Variants in GALNT14 observed in about 807,000 individuals in gnomAD.
GALNT14 encodes UDP-GalNAc:polypeptide N-acetylgalactosaminyltransferase 14.
Under a neutral mutation model 77.5 loss-of-function variants are expected in GALNT14, and 60 were observed. The observed-to-expected ratio is 0.77, with a 90% confidence interval of 0.63 to 0.96. GALNT14 has a LOEUF of 0.96. GALNT14 is among the 40% of genes least tolerant of loss of function. The pLI is 0.00. For missense variants in GALNT14, 710 were observed against 731.0 expected (o/e 0.97, Z 0.33); for synonymous variants, 280 against 281.7 (o/e 0.99, Z 0.06).
intron 1 of GALNT14, among the ~76,000 whole-genome samples, chr2:31,076,938 G>C (rs1213841624): frequency 6.6e-6 from 1 of 152,124 alleles, no homozygotes; most frequent in Admixed American, 6.5e-5. Flanking sequence ...CCTTGTACAA[G>C]TGCTGAATTT....
intron 1 of GALNT14, among the ~76,000 whole-genome samples, chr2:31,037,318 T>A (rs1672799523): frequency 6.6e-6 from 1 of 152,238 alleles, no homozygotes; most frequent in Non-Finnish European, 1.5e-5. Flanking sequence ...CTCCAGAATG[T>A]CTATTTAGTT....
chr2:30,905,103 G>T, the GALNT14 span, among the ~76,000 whole-genome samples: 49 of 152,292 alleles, frequency 3.2e-4, no homozygotes, highest in African/African-American at 1.1e-3. Context: ...AAACCACAAA[G>T]ATGGGGAAAA....
At chr2:31,010,367 A>AG (rs1022664523) in intron 1 of GALNT14, among the ~76,000 whole-genome samples, 1 of 152,196 alleles carries the variant, frequency 6.6e-6, no homozygotes, top group African/African-American at 2.4e-5. Flanking sequence ...TGGGAGGCCA[A>AG]GGCGGGCAGA....
At chr2:30,999,846 G>A (rs1248817521) in intron 1 of GALNT14, among the ~76,000 whole-genome samples, 1 of 152,252 alleles carries the variant, frequency 6.6e-6, no homozygotes, top group Non-Finnish European at 1.5e-5. Flanking sequence ...GCCTGGCACA[G>A]TCAGTGCAGG....
intron 1 of GALNT14, chr2:31,132,756 A>T: frequency 2.1e-6 from 1 of 470,942 alleles, no homozygotes; most frequent in Non-Finnish European, 4.4e-6. Flanking sequence ...AGAAACCCCC[A>T]TCTTGCCTGG....
chr2:30,919,126 GA>G (rs1664880760), intron 13 of GALNT14, among the ~76,000 whole-genome samples: 1 of 152,166 alleles, frequency 6.6e-6, no homozygotes. Context: ...ATGGAAACTA[GA>G]TTGGTGCACC....
intron 13 of GALNT14, among the ~76,000 whole-genome samples, chr2:30,916,141 G>T (rs1002391726): frequency 6.6e-6 from 1 of 152,214 alleles, no homozygotes; most frequent in Non-Finnish European, 1.5e-5. Flanking sequence ...GGCTCCAGGA[G>T]AAGGTCTTCA....
intron 1 of GALNT14, among the ~76,000 whole-genome samples, chr2:31,121,500 C>G (rs1251478689): frequency 1.3e-5 from 2 of 152,182 alleles, no homozygotes; most frequent in African/African-American, 2.4e-5. Context: ...GTATAATATT[C>G]CCAACTGGGG....
At chr2:30,989,427 T>G (rs1435785324) in intron 2 of GALNT14, among the ~76,000 whole-genome samples, 1 of 151,602 alleles carries the variant, frequency 6.6e-6, no homozygotes, top group African/African-American at 2.4e-5. Flanking sequence ...ATCTCTTGCC[T>G]GATCATCTTG....
chr2:31,130,435 T>C (rs1043670877), intron 1 of GALNT14, among the ~76,000 whole-genome samples: 2 of 152,154 alleles, frequency 1.3e-5, no homozygotes, highest in Non-Finnish European at 2.9e-5. Context: ...TGGGGCTGTA[T>C]AGCCAGGCTG....
intron 13 of GALNT14, among the ~76,000 whole-genome samples, chr2:30,913,013 A>C (rs1462203128): frequency 1.3e-5 from 2 of 152,090 alleles, no homozygotes; most frequent in East Asian, 3.9e-4. Context: ...GAAGCTGAGA[A>C]ATTGGATTGA....
chr2:31,115,012 C>T (rs1678037193), intron 1 of GALNT14, among the ~76,000 whole-genome samples: 1 of 151,990 alleles, frequency 6.6e-6, no homozygotes, highest in Admixed American at 6.6e-5. Context: ...TTTAGGAGGC[C>T]GAGGCAGGAG....
intron 13 of GALNT14, among the ~76,000 whole-genome samples, chr2:30,915,064 T>A (rs1159128664): frequency 6.6e-6 from 1 of 152,268 alleles, no homozygotes. Context: ...CCTGCCATTA[T>A]CTTACAATCA....
intron 1 of GALNT14, among the ~76,000 whole-genome samples, chr2:31,019,664 A>T (rs1438987296): frequency 6.6e-6 from 1 of 152,112 alleles, no homozygotes; most frequent in African/African-American, 2.4e-5. Context: ...TCCAGACTGG[A>T]CCTTCCTGGG....
intron 1 of GALNT14, among the ~76,000 whole-genome samples, chr2:31,118,761 T>C (rs1339074726): frequency 2.0e-5 from 3 of 152,162 alleles, no homozygotes; most frequent in Non-Finnish European, 4.4e-5. Flanking sequence ...AAATTTTACT[T>C]ATTTTGATAA....
At chr2:31,023,745 C>G (rs1401644230) in intron 1 of GALNT14, among the ~76,000 whole-genome samples, 1 of 152,072 alleles carries the variant, frequency 6.6e-6, no homozygotes, top group Admixed American at 6.6e-5. Context: ...TGACACTTCC[C>G]TCCTCTGCCT....
intron 1 of GALNT14, among the ~76,000 whole-genome samples, chr2:31,118,711 G>C (rs1376808325): frequency 6.6e-6 from 1 of 152,062 alleles, no homozygotes; most frequent in Non-Finnish European, 1.5e-5. Context: ...AACAAAATAA[G>C]ACAATAAAAT....
intron 1 of GALNT14, among the ~76,000 whole-genome samples, chr2:31,005,502 A>G (rs1171439058): frequency 6.6e-6 from 1 of 152,240 alleles, no homozygotes; most frequent in Non-Finnish European, 1.5e-5. Context: ...GACATGAAAA[A>G]TTGCTTGGTA....
intron 1 of GALNT14, among the ~76,000 whole-genome samples, chr2:31,049,338 C>T (rs1673693227): frequency 6.6e-6 from 1 of 152,174 alleles, no homozygotes. Context: ...AGAAAGAAGA[C>T]CCGAGGCTCC....
Sources: gnomAD v4.1 joint callset for allele counts (sites outside exome capture counted in the v4.1 genomes callset) on GRCh38, gnomAD v4.1.1 for gene constraint, MANE v1.5 for transcripts, NCBI Gene and HGNC (gene_info 2026-07-23, HGNC 2026-07-21) for gene names.